PVT1: variants seen among roughly 807,000 people sequenced by gnomAD.
The protein encoded by PVT1 is Pvt1 oncogene.
chr8:127,807,632 C>CT (rs1394606019), intron 2 of PVT1, among the ~76,000 whole-genome samples: 1 of 151,988 alleles, frequency 6.6e-6, no homozygotes. Context: ...ATCTTTAATG[C>CT]TTTTTTTGAA....
At position 128,055,341 on chromosome 8, in the gene PVT1, G is replaced by C. The variant is rs139914099; in HGVS notation, n.913-14819G>C. ...AGATTTAGGTATGACTCCAAGAACT[G>C]CCAATGCTGAGGGTAAGTTACTTAA... On this transcript the variant is annotated intron_variant and non_coding_transcript_variant, in intron 4 of 10. Coordinates refer to ENST00000651587, the Ensembl canonical transcript of PVT1. 1.4e-3 allele frequency among the ~76,000 whole-genome samples: 206 copies of C among 152,306 alleles called. 1 individual carries two copies. The highest frequency in any genetic ancestry group is 4.7e-3 in the African/African-American group (194 of 41,562).
At chr8:128,008,535 C>T (rs1450885302) in intron 4 of PVT1, among the ~76,000 whole-genome samples, 2 of 152,184 alleles carry the variant, frequency 1.3e-5, no homozygotes, top group African/African-American at 4.8e-5. Context: ...GCAGCTAATT[C>T]TCCGAAATGG....
rs556580396 is a variant in PVT1 at position 127,958,563 on chromosome 8, C to T, written n.783-30599C>T. 1.3e-4 allele frequency among the ~76,000 whole-genome samples: 20 copies of T among 152,254 alleles called. 1 individual carries two copies. The South Asian group carries it at 4.1e-3, about 32-fold the overall frequency. On this transcript the variant is annotated intron_variant and non_coding_transcript_variant, in intron 3 of 10. Coordinates refer to ENST00000651587, the Ensembl canonical transcript of PVT1. ...CCATGCTTTCTGTTTTATTTGATCC[C>T]CTTTTTGGGGAAGACAGGGCAGGTT...
intron 3 of PVT1, among the ~76,000 whole-genome samples, chr8:127,974,416 T>C (rs540805020): frequency 2.2e-4 from 33 of 151,610 alleles, no homozygotes; most frequent in Admixed American, 9.2e-4. Flanking sequence ...TCATCATCAT[T>C]ATTATTAATT....
intron 5 of PVT1, among the ~76,000 whole-genome samples, chr8:128,092,340 C>T (rs1402286615): frequency 2.6e-5 from 4 of 151,772 alleles, no homozygotes; most frequent in Non-Finnish European, 5.9e-5. Context: ...TCTTCCCTTC[C>T]CCTCCCCTGG....
At chr8:128,085,712 A>C (rs926727838) in intron 5 of PVT1, among the ~76,000 whole-genome samples, 1 of 152,196 alleles carries the variant, frequency 6.6e-6, no homozygotes, top group East Asian at 1.9e-4. Context: ...CAATTAAACT[A>C]CTGCATTACT....
chr8:127,827,183 C>T (rs187269746), intron 2 of PVT1, among the ~76,000 whole-genome samples: 113 of 151,950 alleles, frequency 7.4e-4, no homozygotes, highest in African/African-American at 2.6e-3. Context: ...TTAGTAGGGA[C>T]GGGGTTTCTC....
intron 2 of PVT1, among the ~76,000 whole-genome samples, chr8:127,799,134 G>A (rs947719380): frequency 8.6e-5 from 13 of 151,890 alleles, no homozygotes; most frequent in Admixed American, 7.2e-4. Flanking sequence ...GAGTTAGGTG[G>A]GGGGGGAGGT....
chr8:127,998,541 C>G lies in PVT1; in HGVS notation n.912+9250C>G, dbSNP rs1163651545. Among the ~76,000 whole-genome samples the G allele has an allele frequency of 2.7e-5, 4 of 147,482 alleles. No homozygotes were observed. The South Asian group carries it at 8.4e-4, about 31-fold the overall frequency. ...CTTTTCTTTCCTTCTTTCTTTCTCT[C>G]TCTCTCTCTCTCTCTCTTCCTTCCT... On this transcript the variant is annotated intron_variant and non_coding_transcript_variant, in intron 4 of 10. Coordinates refer to ENST00000651587, the Ensembl canonical transcript of PVT1.
Position 127,975,109 on chromosome 8 carries a change from C to T in PVT1, n.783-14053C>T, listed in dbSNP as rs10107043. Among the ~76,000 whole-genome samples, 1,295 of 152,324 alleles carry T rather than the reference C, an allele frequency of 8.5e-3. 14 individuals are homozygous for T. The highest frequency in any genetic ancestry group is 0.029 in the African/African-American group (1,219 of 41,574). On this transcript the variant is annotated intron_variant and non_coding_transcript_variant, in intron 3 of 10. Transcript: ENST00000651587. ...TGCCTAGTAGTTTGCCGTTACACTTCTAAGGGTGCCATGAGCATCTTCGTG... is the reference window on the plus strand; with the variant it reads ...TGCCTAGTAGTTTGCCGTTACACTTTTAAGGGTGCCATGAGCATCTTCGTG...
chr8:127,893,657 GC>G (rs1852344464), intron 3 of PVT1, among the ~76,000 whole-genome samples: 1 of 152,234 alleles, frequency 6.6e-6, no homozygotes, highest in Admixed American at 6.5e-5. Flanking sequence ...GCACAACATT[GC>G]CTGGAGCTGA....
chr8:128,096,951 TC>T (rs1462433239), intron 6 of PVT1, among the ~76,000 whole-genome samples: 1 of 152,214 alleles, frequency 6.6e-6, no homozygotes, highest in African/African-American at 2.4e-5. Context: ...TTGCCATGTT[TC>T]CTCTGCCTCC....
intron 3 of PVT1, among the ~76,000 whole-genome samples, chr8:127,926,563 T>TCATGTTCCAGGGCATCCTGTGG (rs1816132701): frequency 6.6e-6 from 1 of 152,174 alleles, no homozygotes. Flanking sequence ...ATGGTGCGGT[T>TCATGTTCCAGGGCATCCTGTGG]CATGTTCCAG....
At chr8:127,857,189 G>A (rs569602885) in intron 2 of PVT1, among the ~76,000 whole-genome samples, 3 of 152,238 alleles carry the variant, frequency 2.0e-5, no homozygotes, top group East Asian at 1.9e-4. Context: ...TTGTGCCACT[G>A]TACTCCACCC....
intron 4 of PVT1, among the ~76,000 whole-genome samples, chr8:127,992,074 C>CA (rs72120482): frequency 0.56 from 79,230 of 141,642 alleles, 22,112 homozygotes; most frequent in South Asian, 0.81. Flanking sequence ...TTTCTTAAAA[C>CA]AAAAAAAAAA....
At chr8:127,814,201 A>G (rs78305266) in intron 2 of PVT1, among the ~76,000 whole-genome samples, 7,350 of 152,300 alleles carry the variant, frequency 0.048, 249 homozygotes, top group Middle Eastern at 0.078. Context: ...GAAGACCTCC[A>G]TCCTCCTTCT....
intron 2 of PVT1, among the ~76,000 whole-genome samples, chr8:127,829,097 G>A (rs866328156): frequency 6.6e-6 from 1 of 152,120 alleles, no homozygotes; most frequent in African/African-American, 2.4e-5. Flanking sequence ...CCAACATAGT[G>A]AAATGCTGTT....
At chr8:127,829,635 A>G (rs920486799) in intron 2 of PVT1, among the ~76,000 whole-genome samples, 3 of 152,352 alleles carry the variant, frequency 2.0e-5, no homozygotes, top group East Asian at 3.9e-4. Flanking sequence ...GTGTGGCAGT[A>G]TGAACTTGAG....
intron 4 of PVT1, among the ~76,000 whole-genome samples, chr8:128,065,946 A>G (rs757357112): frequency 6.6e-6 from 1 of 152,274 alleles, no homozygotes. Context: ...TAGGGAGCTT[A>G]GAACCTAGTC....
Sources: gnomAD v4.1 joint callset for allele counts (sites outside exome capture counted in the v4.1 genomes callset) on GRCh38, gnomAD v4.1.1 for gene constraint, MANE v1.5 for transcripts, NCBI Gene and HGNC (gene_info 2026-07-23, HGNC 2026-07-21) for gene names.